BBOX1: variants seen among roughly 807,000 people sequenced by gnomAD.
BBOX1 encodes the protein gamma-butyrobetaine dioxygenase.
A neutral mutation model predicts 41.6 loss-of-function variants in BBOX1; 35 were observed. That is an observed-to-expected ratio of 0.84 (90% CI 0.64 to 1.11). BBOX1 has a LOEUF of 1.11. Ranked by LOEUF, BBOX1 falls within the 50% of genes most tolerant of loss-of-function variation. The probability of loss-of-function intolerance (pLI) is 0.00; values close to 1 mark genes in which losing one functional copy is unlikely to be tolerated. For synonymous variants in BBOX1, 163 were observed against 154.7 expected (o/e 1.05, Z -0.40); for missense variants, 458 against 460.6 (o/e 0.99, Z 0.05).
At chr11:27,059,236 T>G (rs1322132286) in intron 4 of BBOX1, among the ~76,000 whole-genome samples, 1 of 152,232 alleles carries the variant, frequency 6.6e-6, no homozygotes, top group Non-Finnish European at 1.5e-5. Context: ...TAAGCTACTG[T>G]AAGACTTGGT....
intron 4 of BBOX1, among the ~76,000 whole-genome samples, chr11:27,074,755 A>G (rs902967065): frequency 2.0e-5 from 3 of 152,246 alleles, no homozygotes; most frequent in African/African-American, 7.2e-5. Context: ...AAAGGGAAGA[A>G]GAGCATAAAA....
At chr11:27,098,409 A>G (rs1426261745) in intron 5 of BBOX1, among the ~76,000 whole-genome samples, 1 of 152,084 alleles carries the variant, frequency 6.6e-6, no homozygotes, top group Non-Finnish European at 1.5e-5. Context: ...CCATCAGGAA[A>G]GAGAAGTGGA....
chr11:27,075,725 C>T (rs1857610333), intron 4 of BBOX1, among the ~76,000 whole-genome samples: 1 of 152,200 alleles, frequency 6.6e-6, no homozygotes. Context: ...TGTGACTCTA[C>T]CCCTCAGGCA....
intron 4 of BBOX1, among the ~76,000 whole-genome samples, chr11:27,071,612 A>G (rs1857453741): frequency 6.6e-6 from 1 of 152,102 alleles, no homozygotes; most frequent in South Asian, 2.1e-4. Flanking sequence ...TGTGGCACCA[A>G]CAAAAAAAAG....
chr11:27,094,561 GGA>G (rs1208895054), intron 5 of BBOX1, among the ~76,000 whole-genome samples: 1 of 151,898 alleles, frequency 6.6e-6, no homozygotes, highest in Non-Finnish European at 1.5e-5. Context: ...ACAATCTACT[GGA>G]TACAAGTAGA....
At chr11:27,058,431 A>G (rs906263159) in intron 4 of BBOX1, among the ~76,000 whole-genome samples, 1 of 152,264 alleles carries the variant, frequency 6.6e-6, no homozygotes, top group Admixed American at 6.5e-5. Context: ...TGCTATAAAG[A>G]TACCTAAAAT....
At chr11:27,092,859 G>A (rs1466089749) in intron 4 of BBOX1, among the ~76,000 whole-genome samples, 1 of 151,924 alleles carries the variant, frequency 6.6e-6, no homozygotes, top group Non-Finnish European at 1.5e-5. Flanking sequence ...CAGTGTCCAT[G>A]AAGAGAAGCC....
At chr11:27,110,048 C>A (rs1297611432) in intron 5 of BBOX1, among the ~76,000 whole-genome samples, 1 of 151,984 alleles carries the variant, frequency 6.6e-6, no homozygotes, top group African/African-American at 2.4e-5. Flanking sequence ...GGTTTCTGAA[C>A]CTGAAAACCT....
At chr11:27,093,815 C>T (rs567143511) in intron 5 of BBOX1, among the ~76,000 whole-genome samples, 1 of 152,076 alleles carries the variant, frequency 6.6e-6, no homozygotes, top group South Asian at 2.1e-4. Context: ...GCATAGCACA[C>T]TCCTGCTGTC....
chr11:27,125,645 A>G lies in BBOX1; in HGVS notation c.837-9A>G, dbSNP rs1370886373. The G allele has an allele frequency of 6.6e-7, 1 of 1,507,938 alleles. No individual in the cohort carries two copies. The highest frequency in any genetic ancestry group is 1.4e-5 in the African/African-American group (1 of 71,058). The allele number at this position is 1,507,938 out of a possible 1,614,324, so 93.4% of individuals were successfully genotyped here. On this transcript the variant is annotated splice_polypyrimidine_tract_variant and intron_variant, in intron 7 of 8. Transcript: ENST00000263182. ...AATTATATATTAATTTTTTCTCTTA[A>G]TAAAACAGGTTAGATGATAAAGGCC...
At chr11:27,092,669 A>T (rs1008958993) in intron 4 of BBOX1, among the ~76,000 whole-genome samples, 4 of 151,892 alleles carry the variant, frequency 2.6e-5, no homozygotes, top group Non-Finnish European at 5.9e-5. Flanking sequence ...GTTGCTTCTT[A>T]ACAGGTGAAA....
intron 4 of BBOX1, among the ~76,000 whole-genome samples, chr11:27,072,902 C>CA (rs2133997290): frequency 6.6e-6 from 1 of 152,272 alleles, no homozygotes; most frequent in South Asian, 2.1e-4. Context: ...ACACTTTATA[C>CA]AAAAATTAAT....
chr11:27,072,089 A>G (rs1857471752), intron 4 of BBOX1, among the ~76,000 whole-genome samples: 1 of 152,188 alleles, frequency 6.6e-6, no homozygotes. Context: ...GTCAAGAGAA[A>G]GAAATAAAGG....
At chr11:27,097,057 A>G (rs1858464005) in intron 5 of BBOX1, among the ~76,000 whole-genome samples, 1 of 152,050 alleles carries the variant, frequency 6.6e-6, no homozygotes, top group African/African-American at 2.4e-5. Flanking sequence ...TCCTAGGACA[A>G]AAGAATAAGA....
intron 6 of BBOX1, among the ~76,000 whole-genome samples, 188 bp from the exon 7 acceptor site, chr11:27,119,461 A>C (rs2134104487): frequency 6.6e-6 from 1 of 152,114 alleles, no homozygotes; most frequent in Admixed American, 6.6e-5. Flanking sequence ...TTTTCTGATG[A>C]CATAAGAAAG....
chr11:27,057,840 T>C (rs1857032434), intron 4 of BBOX1, among the ~76,000 whole-genome samples: 1 of 152,042 alleles, frequency 6.6e-6, no homozygotes. Context: ...AAAGCCACGT[T>C]TGTCTAGGAA....
chr11:27,051,925 C>T (rs1481936907), intron 2 of BBOX1, among the ~76,000 whole-genome samples: 1 of 151,692 alleles, frequency 6.6e-6, no homozygotes, highest in Admixed American at 6.6e-5. Flanking sequence ...AGGCATTTAT[C>T]ACTATTAACT....
intron 4 of BBOX1, among the ~76,000 whole-genome samples, chr11:27,071,365 G>A (rs1857441733): frequency 6.6e-6 from 1 of 150,390 alleles, no homozygotes; most frequent in Non-Finnish European, 1.5e-5. Context: ...CTGGGCAACA[G>A]AGCAAGACTC....
chr11:27,066,000 A>G (rs1431913763), intron 4 of BBOX1, among the ~76,000 whole-genome samples: 1 of 152,192 alleles, frequency 6.6e-6, no homozygotes, highest in Non-Finnish European at 1.5e-5. Flanking sequence ...ATTACAGTCC[A>G]TTCCCTTTTT....
Sources: gnomAD v4.1 joint callset for allele counts (sites outside exome capture counted in the v4.1 genomes callset) on GRCh38, gnomAD v4.1.1 for gene constraint, MANE v1.5 for transcripts, NCBI Gene and HGNC (gene_info 2026-07-23, HGNC 2026-07-21) for gene names.